The following ATP12A variants were observed in gnomAD, a reference collection of about 807,000 sequenced individuals.
ATP12A encodes the protein ATPase H+/K+ transporting non-gastric alpha2 subunit, also known as potassium-transporting ATPase alpha chain 2.
In ATP12A, 81 loss-of-function variants were observed where a neutral mutation model predicts 111.2. The observed-to-expected ratio is 0.73, with a 90% confidence interval of 0.61 to 0.88. ATP12A has a LOEUF of 0.88. Among genes scored for constraint, ATP12A ranks in the 40% least tolerant of loss-of-function variants. The probability of loss-of-function intolerance (pLI) is 0.00; values close to 1 mark genes in which losing one functional copy is unlikely to be tolerated. For missense variants in ATP12A, 1,196 were observed against 1,313.1 expected, an observed-to-expected ratio of 0.91 and a Z score of 1.38; for synonymous variants, 498 against 499.8, an observed-to-expected ratio of 1.00 and a Z score of 0.05.
intron 8 of ATP12A, 44 bp downstream of exon 8, chr13:24,691,294 A>C (rs1486484439): frequency 6.4e-7 from 1 of 1,571,066 alleles, no homozygotes. Context: ...CCCTGTGGAC[A>C]CAGCACTGGT....
intron 10 of ATP12A, 59 bp from the exon 11 acceptor site, chr13:24,694,385 T>C: frequency 6.2e-7 from 1 of 1,603,946 alleles, no homozygotes; most frequent in Non-Finnish European, 8.5e-7. Context: ...GGTCCTATGC[T>C]GAGGGCATGT....
chr13:24,701,919 G>A lies in ATP12A; in HGVS notation c.1882-16G>A, dbSNP rs550063994. 8.1e-6 allele frequency: 13 copies of A among 1,613,990 alleles called. No individual in the cohort carries two copies. The East Asian group carries it at 1.3e-4, about 17-fold the overall frequency. ...TTCTTCATTACCCGTGGGCCTTCTC[G>A]TTGTCTTTGCTCTAGGTTATTATGG... On this transcript the variant is annotated splice_polypyrimidine_tract_variant and intron_variant, in intron 13 of 22. Transcript: ENST00000381946.
At position 24,700,840 on chromosome 13, in the gene ATP12A, T is replaced by C; in HGVS notation, c.1799T>C (p.Phe600Ser). The C allele has an allele frequency of 6.2e-7, 1 of 1,614,198 alleles. No individual in the cohort carries two copies. Among genetic ancestry groups the C allele is most frequent in the Non-Finnish European group, 8.5e-7 (1 of 1,180,032 alleles). The change falls in exon 13 of 23, where the codon TTT (phenylalanine) becomes TCT (serine). Residue 600 changes from phenylalanine (F) to serine (S), a missense_variant. Coordinates refer to ENST00000381946, the MANE Select transcript of ATP12A (RefSeq NM_001676.7). ...AMNFPTSNLC[F>S]VGLLSMIDPP... ...AACTTTCCGACCTCCAACCTCTGTT[T>C]TGTGGGACTCTTGTCAATGATCGAT...
Position 24,709,734 on chromosome 13 carries a change from A to G in ATP12A, c.2669A>G (p.Gln890Arg). The G allele has an allele frequency of 6.2e-7, 1 of 1,614,230 alleles. No homozygotes were observed. The highest frequency in any genetic ancestry group is 8.5e-7 in the Non-Finnish European group (1 of 1,180,042). ...CTTGTGTATTTCACCGTCTATGCACAAGAGGGCTTTCTGCCCCGCACTCTC... is the reference window on the plus strand; with the variant it reads ...CTTGTGTATTTCACCGTCTATGCACGAGAGGGCTTTCTGCCCCGCACTCTC... ...AFLVYFTVYA[Q>R]EGFLPRTLIN... is the part of the protein sequence containing the mutation. The change falls in exon 19 of 23, where the codon CAA becomes CGA. Residue 890 changes from glutamine to arginine, a missense_variant. By Grantham distance (43) the Gln-to-Arg change is conservative. Transcript: ENST00000381946.
intron 11 of ATP12A, among the ~76,000 whole-genome samples, chr13:24,695,995 A>G (rs962667183): frequency 9.2e-5 from 14 of 152,218 alleles, no homozygotes; most frequent in African/African-American, 2.7e-4. Flanking sequence ...ACAACTAACC[A>G]GAAACATATG....
chr13:24,688,055 GC>G (rs1351561254), intron 3 of ATP12A, among the ~76,000 whole-genome samples: 1 of 152,136 alleles, frequency 6.6e-6, no homozygotes, highest in Non-Finnish European at 1.5e-5. Context: ...AGGAATAATG[GC>G]CCCTGCCTCA....
chr13:24,699,229 C>G lies in ATP12A; in HGVS notation c.1705+379C>G, dbSNP rs551468647. Among the ~76,000 whole-genome samples, 31 of 152,278 alleles carry G rather than the reference C, an allele frequency of 2.0e-4. 1 individual carries two copies. In the South Asian group the frequency reaches 6.0e-3, roughly 30 times the overall value. On this transcript the variant is annotated intron_variant, in intron 12 of 22. Transcript: ENST00000381946. Reference sequence around the variant, plus strand: ...AGGTGAGATGGCACTGTCACAGAAACAGGGTTCAAGGGCTGGACTGGAGGT... The same window carrying G: ...AGGTGAGATGGCACTGTCACAGAAAGAGGGTTCAAGGGCTGGACTGGAGGT...
chr13:24,689,115 G>A (rs1874774329), intron 4 of ATP12A, 147 bp from the exon 5 acceptor site: 18 of 654,494 alleles, frequency 2.8e-5, no homozygotes, highest in South Asian at 1.3e-4. Context: ...AATAAGTTGC[G>A]CACTTAACAT....
At chr13:24,682,401 A>AGCACGTGTGTGTGTGTGTG (rs1555253823) in intron 2 of ATP12A, among the ~76,000 whole-genome samples, 1 of 131,138 alleles carries the variant, frequency 7.6e-6, no homozygotes, top group African/African-American at 2.9e-5. Context: ...TGGTGTGTGT[A>AGCACGTGTGTGTGTGTGTG]TGTGTGTGTG....
chr13:24,708,851 AGAGAGG>A (rs1875785405), intron 17 of ATP12A, among the ~76,000 whole-genome samples: 1 of 141,160 alleles, frequency 7.1e-6, no homozygotes, highest in African/African-American at 2.5e-5. Flanking sequence ...AGAGAAAGAG[AGAGAGG>A]GAAAGAGAGA....
Position 24,680,631 on chromosome 13 carries a change from C to A in ATP12A, c.-113C>A. The A allele has an allele frequency of 7.7e-7, 1 of 1,299,428 alleles. No homozygotes were observed. Among genetic ancestry groups the A allele is most frequent in the Non-Finnish European group, 1.0e-6 (1 of 959,112 alleles). 80.5% of individuals were successfully genotyped at this position (1,299,428 alleles called of 1,614,324 possible). A position where few individuals can be genotyped will look rare whatever the true frequency, so the allele number is the denominator to read the frequency against. On this transcript the variant is annotated 5_prime_UTR_variant, in exon 1 of 23. Coordinates refer to ENST00000381946, the MANE Select transcript of ATP12A (RefSeq NM_001676.7). ...CCGCCGCCGGTATCTCCACCGCCAA[C>A]ACCTCAGCCACTGCCACTGCCACAG...
At chr13:24,684,451 TA>T (rs955550864) in intron 2 of ATP12A, among the ~76,000 whole-genome samples, 9 of 152,308 alleles carry the variant, frequency 5.9e-5, no homozygotes, top group African/African-American at 2.2e-4. Flanking sequence ...AATCAGGGTT[TA>T]AAAAATCCTG....
At chr13:24,682,186 T>TG (rs1874495454) in intron 2 of ATP12A, among the ~76,000 whole-genome samples, 2 of 132,948 alleles carry the variant, frequency 1.5e-5, no homozygotes, top group Non-Finnish European at 3.2e-5. Flanking sequence ...GGTGTGTGTA[T>TG]GTGTGTGGTA....
Position 24,705,757 on chromosome 13 carries a change from C to T in ATP12A, c.2019-556C>T, listed in dbSNP as rs148721309. The stretch of plus-strand genomic sequence containing the variant: ...TGATCATGGCTCACTGCAGCCTCAA[C>T]CCCCCAGGCTCAAGCAATCCTCCTG... On this transcript the variant is annotated intron_variant, in intron 14 of 22. Coordinates refer to ENST00000381946, the MANE Select transcript of ATP12A (RefSeq NM_001676.7). Among the ~76,000 whole-genome samples, 108 of 152,218 alleles carry T rather than the reference C, an allele frequency of 7.1e-4. 1 individual carries two copies. The highest frequency in any genetic ancestry group is 2.2e-3 in the African/African-American group (90 of 41,516).
At chr13:24,710,224 G>A (rs1875902902) in intron 19 of ATP12A, among the ~76,000 whole-genome samples, 1 of 152,228 alleles carries the variant, frequency 6.6e-6, no homozygotes, top group African/African-American at 2.4e-5. Context: ...GGCCAACACA[G>A]TGAGACCCTG....
intron 14 of ATP12A, among the ~76,000 whole-genome samples, chr13:24,704,998 CT>C (rs140269704): frequency 0.039 from 5,913 of 152,168 alleles, 210 homozygotes; most frequent in African/African-American, 0.097. Context: ...CTCTTACTTT[CT>C]TTTGTTTTGT....
chr13:24,707,017 C>G lies in ATP12A; in HGVS notation c.2170-6C>G. ...TCCCACTTTCTCCCTGGGTCCCCCG[C>G]CATAGGATGCTGTTGTTGCTGTGAC... On this transcript the variant is annotated splice_polypyrimidine_tract_variant and splice_region_variant and intron_variant, in intron 15 of 22. Transcript: ENST00000381946. 6.3e-7 allele frequency: 1 copy of G among 1,588,816 alleles called. No individual in the cohort carries two copies. Among genetic ancestry groups the G allele is most frequent in the South Asian group, 1.2e-5 (1 of 86,710 alleles).
At chr13:24,692,980 T>C in intron 10 of ATP12A, 84 bp downstream of exon 10, 1 of 1,292,052 alleles carries the variant, frequency 7.7e-7, no homozygotes, top group Non-Finnish European at 1.1e-6. Flanking sequence ...TGATTTCATC[T>C]CTCCAGTTGC....
rs967156411 is a variant in ATP12A, at chr13:24,698,718, G to C, written c.1573G>C (p.Ala525Pro). 1 of 1,613,986 alleles carries C rather than the reference G, an allele frequency of 6.2e-7. No individual in the cohort carries two copies. The highest frequency in any genetic ancestry group is 1.1e-5 in the South Asian group (1 of 91,068). Residue 525 changes from alanine (A) to proline (P), a missense_variant, in exon 12 of 23, where the codon GCC becomes CCC. By Grantham distance (27) the Ala-to-Pro change is conservative. This residue lies in a region of ATP12A where 1,126 missense variants were observed against 1,228.5 expected (regional missense o/e 0.92). Transcript: ENST00000381946. ...GKRFLMVMKG[A>P]PERILEKCST... is the part of the protein sequence containing the mutation. The stretch of plus-strand genomic sequence containing the variant: ...GCGCTTCCTCATGGTGATGAAGGGG[G>C]CCCCTGAGCGCATCCTAGAGAAATG...
Sources: allele counts gnomAD v4.1 joint callset (sites outside exome capture counted in the v4.1 genomes callset), GRCh38; gene constraint gnomAD v4.1.1; regional missense constraint gnomAD v4.1.1; transcripts MANE v1.5; gene names NCBI Gene and HGNC (gene_info 2026-07-23, HGNC 2026-07-21).